MYH16: variants seen among roughly 807,000 people sequenced by gnomAD.
MYH16 encodes the protein putative uncharacterized protein MYH16.
chr7:99,285,741 G>T (rs747547664), intron 27 of MYH16, among the ~76,000 whole-genome samples: 3 of 152,238 alleles, frequency 2.0e-5, no homozygotes, highest in African/African-American at 4.8e-5. Context: ...GCAGAAGCAA[G>T]GAGAAAGGTC....
At chr7:99,294,272 A>G in intron 33 of MYH16, 122 bp downstream of exon 14, 1 of 338,948 alleles carries the variant, frequency 3.0e-6, no homozygotes. Flanking sequence ...AAGAAGGTGC[A>G]ATGCAGGGGT....
intron 13 of MYH16, among the ~76,000 whole-genome samples, chr7:99,262,274 G>A (rs1791945956): frequency 6.6e-6 from 1 of 152,198 alleles, no homozygotes; most frequent in South Asian, 2.1e-4. Flanking sequence ...AGCCTCTGTG[G>A]GTTTGACTGC....
At position 99,294,500 on chromosome 7, in the gene MYH16, CAAAAAAAAAAA is replaced by C. The variant is rs1159682450; in HGVS notation, n.4282+364_4282+374del. ...TGAACAACACAGGGAGACCCTGTCT[CAAAAAAAAAAA>C]AAAAAAAAAAAAAGAAAAAGAAAAA... On this transcript the variant is annotated intron_variant and non_coding_transcript_variant, in intron 33 of 41. Transcript: ENST00000439784. 3.5e-4 allele frequency among the ~76,000 whole-genome samples: 9 copies of C among 25,570 alleles called. No individual in the cohort carries two copies. In the East Asian group the frequency reaches 9.9e-3, roughly 28 times the overall value. 16.8% of individuals were successfully genotyped at this position (25,570 alleles called of 152,430 possible).
At chr7:99,288,011 G>A (rs1477404979) in exon 29 of MYH16, 1 of 456,656 alleles carries the variant, frequency 2.2e-6, no homozygotes, top group Non-Finnish European at 4.4e-6. Context: ...TGGACTCCAT[G>A]GCCGAGCTGA....
chr7:99,291,470 T>C lies in MYH16; in HGVS notation n.3952+20T>C, dbSNP rs978160021. On this transcript the variant is annotated intron_variant and non_coding_transcript_variant, in intron 31 of 41. Transcript: ENST00000439784. ...TCAAAGGTTTGTTTGGACGTGGGGTTGCGGTGGAGACAGAGCTGCCGCCTT... is the reference window on the plus strand; with the variant it reads ...TCAAAGGTTTGTTTGGACGTGGGGTCGCGGTGGAGACAGAGCTGCCGCCTT... 2.2e-6 allele frequency: 1 copy of C among 456,036 alleles called. No individual in the cohort carries two copies. Among genetic ancestry groups the C allele is most frequent in the African/African-American group, 2.0e-5 (1 of 50,034 alleles). The allele number at this position is 456,036 out of a possible 1,614,324, so 28.2% of individuals were successfully genotyped here. A position where few individuals can be genotyped will look rare whatever the true frequency, so the allele number is the denominator to read the frequency against.
chr7:99,268,838 G>C (rs868407062), intron 18 of MYH16, among the ~76,000 whole-genome samples: 7 of 152,170 alleles, frequency 4.6e-5, no homozygotes, highest in African/African-American at 1.4e-4. Context: ...CTTTTGAGGG[G>C]CAGGGAGCAT....
intron 3 of MYH16, among the ~76,000 whole-genome samples, chr7:99,248,072 C>A (rs1400159005): frequency 1.3e-5 from 2 of 152,144 alleles, no homozygotes; most frequent in South Asian, 4.1e-4. Context: ...CCTCTATGAT[C>A]TTTGCTGCAT....
chr7:99,271,716 G>A (rs112817287), intron 19 of MYH16, among the ~76,000 whole-genome samples: 1 of 152,138 alleles, frequency 6.6e-6, no homozygotes, highest in Non-Finnish European at 1.5e-5. Flanking sequence ...ATTTTTGAGT[G>A]GGGGATGGGG....
intron 11 of MYH16, chr7:99,258,513 ATC>A (rs1468983278): frequency 6.6e-6 from 1 of 152,360 alleles, no homozygotes; most frequent in African/African-American, 2.4e-5. Flanking sequence ...GGGCAGACCA[ATC>A]TCGGTTTGCC....
At chr7:99,269,027 C>G (rs1235483654) in intron 18 of MYH16, among the ~76,000 whole-genome samples, 1 of 152,222 alleles carries the variant, frequency 6.6e-6, no homozygotes, top group African/African-American at 2.4e-5. Context: ...GTCAGACACA[C>G]AGCACATCCA....
At chr7:99,276,151 T>C (rs75061014) in intron 20 of MYH16, among the ~76,000 whole-genome samples, 2 of 152,326 alleles carry the variant, frequency 1.3e-5, no homozygotes, top group East Asian at 3.9e-4. Context: ...AGGTTTCCAT[T>C]GAATAAAAAG....
chr7:99,252,018 A>G (rs1791813674), intron 6 of MYH16, among the ~76,000 whole-genome samples: 1 of 152,142 alleles, frequency 6.6e-6, no homozygotes, highest in Admixed American at 6.5e-5. Context: ...AACCCTCTTT[A>G]GTATTAATAT....
chr7:99,306,027 T>TG (rs1022106245), exon 41 of MYH16: 2 of 152,604 alleles, frequency 1.3e-5, no homozygotes, highest in African/African-American at 4.8e-5. Context: ...AGAGGCAGAT[T>TG]GAGGAGGCGG....
At chr7:99,279,358 C>CAAAA (rs35683727) in intron 21 of MYH16, among the ~76,000 whole-genome samples, 152 bp from the exon 4 acceptor site, 3 of 45,892 alleles carry the variant, frequency 6.5e-5, no homozygotes, top group African/African-American at 1.6e-4. Flanking sequence ...AACCCTGACT[C>CAAAA]AAAAAAAAAA....
chr7:99,292,589 C>G lies in MYH16; in HGVS notation n.4149+81C>G, dbSNP rs1584356167. 7.0e-6 allele frequency: 3 copies of G among 430,830 alleles called. No individual in the cohort carries two copies. The East Asian group carries it at 2.1e-4, about 31-fold the overall frequency. The allele number at this position is 430,830 out of a possible 1,614,324, so 26.7% of individuals were successfully genotyped here. A position where few individuals can be genotyped will look rare whatever the true frequency, so the allele number is the denominator to read the frequency against. On this transcript the variant is annotated intron_variant and non_coding_transcript_variant, in intron 32 of 41. Coordinates refer to ENST00000439784, the Ensembl canonical transcript of MYH16. The stretch of plus-strand genomic sequence containing the variant: ...GGCCTCACCACCATGTCAGTCACTG[C>G]TGAGGCCAGGGCCAAGCCCAGGAAA...
At chr7:99,289,601 AT>A (rs1192562860) in intron 30 of MYH16, among the ~76,000 whole-genome samples, 197 bp downstream of exon 11, 2 of 152,196 alleles carry the variant, frequency 1.3e-5, no homozygotes, top group African/African-American at 2.4e-5. Context: ...AATTCAAAGC[AT>A]TTTCGTATCC....
chr7:99,283,186 C>T (rs151289960), intron 23 of MYH16, among the ~76,000 whole-genome samples: 1 of 152,316 alleles, frequency 6.6e-6, no homozygotes, highest in African/African-American at 2.4e-5. Flanking sequence ...GCAGCCCCAA[C>T]CTCCTGGGCT....
intron 14 of MYH16, among the ~76,000 whole-genome samples, chr7:99,263,785 C>T (rs1271658501): frequency 6.6e-6 from 1 of 152,214 alleles, no homozygotes; most frequent in Non-Finnish European, 1.5e-5. Context: ...TTCCCTCTCT[C>T]TTGTCAGAAG....
At chr7:99,264,524 C>G (rs1041346272) in intron 15 of MYH16, among the ~76,000 whole-genome samples, 5 of 152,134 alleles carry the variant, frequency 3.3e-5, no homozygotes, top group Non-Finnish European at 5.9e-5. Context: ...ATTTGTGCAG[C>G]GTGATCACGC....
Sources: allele counts gnomAD v4.1 joint callset (sites outside exome capture counted in the v4.1 genomes callset), GRCh38; gene constraint gnomAD v4.1.1; transcripts MANE v1.5; gene names NCBI Gene and HGNC (gene_info 2026-07-23, HGNC 2026-07-21).